The following L3MBTL4 variants were observed in gnomAD, a reference collection of about 807,000 sequenced individuals.
The protein encoded by L3MBTL4 is L3MBTL histone methyl-lysine binding protein 4.
In L3MBTL4, 70 loss-of-function variants were observed where a neutral mutation model predicts 84.5. That is an observed-to-expected ratio of 0.83 (90% CI 0.68 to 1.01). The LOEUF is 1.01. L3MBTL4 is among the 50% of genes least tolerant of loss of function. The pLI is 0.00. For missense variants in L3MBTL4, 715 were observed against 754.8 expected (o/e 0.95, Z 0.62); for synonymous variants, 274 against 259.8 (o/e 1.05, Z -0.52).
intron 3 of L3MBTL4, among the ~76,000 whole-genome samples, chr18:6,306,285 G>A (rs1224879716): frequency 6.6e-6 from 1 of 152,090 alleles, no homozygotes; most frequent in African/African-American, 2.4e-5. Context: ...CACTCTACTG[G>A]AATTCAGACA....
chr18:6,020,381 G>C (rs73938713), intron 16 of L3MBTL4, among the ~76,000 whole-genome samples: 1 of 152,110 alleles, frequency 6.6e-6, no homozygotes, highest in Admixed American at 6.5e-5. Context: ...GCAGGCAGAG[G>C]AGACAGATGG....
rs1160504983 is a variant in L3MBTL4 at position 5,954,936 on chromosome 18, A to T, written c.*1284T>A. 6.6e-6 allele frequency: 1 copy of T among 152,160 alleles called. No homozygotes were observed. Among genetic ancestry groups the T allele is most frequent in the Non-Finnish European group, 1.5e-5 (1 of 68,026 alleles). The allele number at this position is 152,160 out of a possible 1,614,324, so 9.4% of individuals were successfully genotyped here. A position where few individuals can be genotyped will look rare whatever the true frequency, so the allele number is the denominator to read the frequency against. The stretch of plus-strand genomic sequence containing the variant: ...CTCTTAGAGTTTGTTTATTTTCTTC[A>T]GTGAAAAAAAAATGTAAAGCTTGAG... On this transcript the variant is annotated 3_prime_UTR_variant, in exon 19 of 19. Transcript: ENST00000317931.
intron 1 of L3MBTL4, among the ~76,000 whole-genome samples, chr18:6,373,652 G>A (rs1334244200): frequency 6.6e-6 from 1 of 152,068 alleles, no homozygotes; most frequent in East Asian, 1.9e-4. Flanking sequence ...AACAGATTAT[G>A]CACCGTACAA....
intron 14 of L3MBTL4, among the ~76,000 whole-genome samples, chr18:6,095,639 C>T (rs879358682): frequency 1.1e-4 from 16 of 152,056 alleles, no homozygotes; most frequent in African/African-American, 2.7e-4. Context: ...CGTGAGCCAC[C>T]GCACCCGGCC....
intron 16 of L3MBTL4, among the ~76,000 whole-genome samples, chr18:6,080,667 C>G (rs538687826): frequency 1.1e-4 from 16 of 152,216 alleles, no homozygotes; most frequent in Admixed American, 8.5e-4. Flanking sequence ...AGAGTCCAGT[C>G]CTTTTACTTT....
chr18:6,152,880 G>A (rs2042955250), intron 13 of L3MBTL4, among the ~76,000 whole-genome samples: 1 of 152,138 alleles, frequency 6.6e-6, no homozygotes, highest in Admixed American at 6.6e-5. Flanking sequence ...TTAGATTTAA[G>A]TCTTTAATCC....
At chr18:6,197,959 G>A (rs879862709) in intron 12 of L3MBTL4, among the ~76,000 whole-genome samples, 3 of 152,180 alleles carry the variant, frequency 2.0e-5, no homozygotes, top group Non-Finnish European at 2.9e-5. Context: ...CTGGGGTGGC[G>A]CACCTTCTCT....
At position 6,351,554 on chromosome 18, in the gene L3MBTL4, TTTTA is replaced by T. The variant is rs1374690924; in HGVS notation, c.-90-39502_-90-39499del. On this transcript the variant is annotated intron_variant, in intron 1 of 18. Coordinates refer to ENST00000317931, the MANE Select transcript of L3MBTL4 (RefSeq NM_001330559.2). The stretch of plus-strand genomic sequence containing the variant: ...ATACCGCAATTTTTAAATGTGGATT[TTTTA>T]TTTTTTTTTTTGAGATGGAGTCTCG... 9.6e-3 allele frequency among the ~76,000 whole-genome samples: 1,442 copies of T among 150,968 alleles called. 32 individuals carry two copies. Among genetic ancestry groups the T allele is most frequent in the African/African-American group, 0.033 (1,363 of 41,294 alleles).
At chr18:6,227,080 T>C (rs1029131720) in intron 10 of L3MBTL4, among the ~76,000 whole-genome samples, 1 of 152,108 alleles carries the variant, frequency 6.6e-6, no homozygotes, top group Admixed American at 6.5e-5. Context: ...AGGGGACAAT[T>C]CTTTAAGAGA....
intron 13 of L3MBTL4, among the ~76,000 whole-genome samples, chr18:6,144,250 A>G (rs1262589585): frequency 6.6e-6 from 1 of 151,012 alleles, no homozygotes; most frequent in Non-Finnish European, 1.5e-5. Flanking sequence ...TGGAAGCACT[A>G]TTTTATCACA....
intron 16 of L3MBTL4, among the ~76,000 whole-genome samples, chr18:6,052,206 T>C (rs2056865890): frequency 6.6e-6 from 1 of 152,238 alleles, no homozygotes. Context: ...CTTTGATGTT[T>C]TGATTTTTAA....
At chr18:6,011,513 C>T (rs2054737547) in intron 16 of L3MBTL4, among the ~76,000 whole-genome samples, 1 of 152,128 alleles carries the variant, frequency 6.6e-6, no homozygotes, top group Non-Finnish European at 1.5e-5. Context: ...TGACTGAGCC[C>T]CATCTGAATT....
intron 12 of L3MBTL4, among the ~76,000 whole-genome samples, chr18:6,203,937 G>T (rs1331791393): frequency 6.6e-6 from 1 of 152,162 alleles, no homozygotes; most frequent in Admixed American, 6.5e-5. Flanking sequence ...GCTGCCCTAA[G>T]CCTGGGCATG....
chr18:6,170,956 C>T (rs1051127773), intron 13 of L3MBTL4, among the ~76,000 whole-genome samples: 1 of 152,142 alleles, frequency 6.6e-6, no homozygotes, highest in Non-Finnish European at 1.5e-5. Context: ...TCCAGAAGGG[C>T]CTTCATCTCT....
intron 16 of L3MBTL4, among the ~76,000 whole-genome samples, chr18:6,043,428 G>A (rs113122483): frequency 0.02 from 3,030 of 152,228 alleles, 118 homozygotes; most frequent in African/African-American, 0.07. Context: ...GCTGCTCTCC[G>A]TGCTAGGCTC....
chr18:6,326,151 C>A (rs541437535), intron 1 of L3MBTL4, among the ~76,000 whole-genome samples: 4 of 152,146 alleles, frequency 2.6e-5, no homozygotes, highest in Non-Finnish European at 4.4e-5. Flanking sequence ...GCATAAGCTG[C>A]GCCCTGGCAT....
chr18:5,979,529 T>C (rs762187019), intron 16 of L3MBTL4, among the ~76,000 whole-genome samples: 22 of 152,166 alleles, frequency 1.4e-4, no homozygotes, highest in Non-Finnish European at 2.6e-4. Flanking sequence ...CTCTGACAGA[T>C]AACACAGCAG....
chr18:6,105,616 T>C (rs1041825197), intron 14 of L3MBTL4, among the ~76,000 whole-genome samples: 1 of 151,558 alleles, frequency 6.6e-6, no homozygotes, highest in Non-Finnish European at 1.5e-5. Context: ...CTGGCCAACA[T>C]GATGAAACCC....
intron 15 of L3MBTL4, among the ~76,000 whole-genome samples, chr18:6,085,513 G>A (rs921032510): frequency 1.3e-5 from 2 of 152,180 alleles, no homozygotes; most frequent in Non-Finnish European, 2.9e-5. Flanking sequence ...AGGTAGAGAC[G>A]AGGTGCAGGT....
Sources: gnomAD v4.1 joint callset for allele counts (sites outside exome capture counted in the v4.1 genomes callset) on GRCh38, gnomAD v4.1.1 for gene constraint, MANE v1.5 for transcripts, NCBI Gene and HGNC (gene_info 2026-07-23, HGNC 2026-07-21) for gene names.